Variants in CACNA1I observed in about 807,000 individuals in gnomAD.
The protein encoded by CACNA1I is voltage-dependent T-type calcium channel subunit alpha-1I.
In CACNA1I, 74 loss-of-function variants were observed where a neutral mutation model predicts 201.6. The ratio of observed to expected loss-of-function variants is 0.37; its 90% CI spans 0.30 to 0.45. The LOEUF is 0.45. Ranked by LOEUF, CACNA1I falls within the 20% of genes least tolerant of loss-of-function variation. CACNA1I has a pLI of 1.00. For missense variants in CACNA1I, 2,346 were observed against 3,138.1 expected, an observed-to-expected ratio of 0.75 and a Z score of 6.03; for synonymous variants, 1,431 against 1,345.2, an observed-to-expected ratio of 1.06 and a Z score of -1.40.
intron 1 of CACNA1I, among the ~76,000 whole-genome samples, chr22:39,590,669 GTGCAGATCC>G (rs1336399061): frequency 6.6e-6 from 1 of 152,230 alleles, no homozygotes; most frequent in Admixed American, 6.5e-5. Flanking sequence ...GTGAGAGGCA[GTGCAGATCC>G]TGCCCCTGCC....
At chr22:39,623,973 G>A (rs1005430887) in intron 4 of CACNA1I, among the ~76,000 whole-genome samples, 1 of 148,496 alleles carries the variant, frequency 6.7e-6, no homozygotes, top group Non-Finnish European at 1.5e-5. Context: ...GTGTGTATGT[G>A]TCAAGGGTGT....
At chr22:39,656,388 C>T (rs1349831104) in intron 10 of CACNA1I, 1 of 518,938 alleles carries the variant, frequency 1.9e-6, no homozygotes, top group East Asian at 5.4e-5. Flanking sequence ...CTGGCGCCAG[C>T]TCTCTCTTAG....
chr22:39,597,650 G>A (rs1043442842), intron 1 of CACNA1I, among the ~76,000 whole-genome samples: 2 of 152,248 alleles, frequency 1.3e-5, no homozygotes, highest in African/African-American at 2.4e-5. Context: ...CCTGGCAGTG[G>A]GCAAGGAGAG....
Position 39,673,070 on chromosome 22 carries a change from C to T in CACNA1I, c.4771C>T (p.Arg1591Cys), listed in dbSNP as rs1935417905. 1.2e-6 allele frequency: 2 copies of T among 1,612,902 alleles called. No individual in the cohort carries two copies. Among genetic ancestry groups the T allele is most frequent in the African/African-American group, 1.3e-5 (1 of 74,884 alleles). Residue 1591 changes from arginine to cysteine, a missense_variant, in exon 28 of 37, where the codon CGC (arginine) becomes TGC (cysteine). Physicochemically the swap from Arg to Cys is radical, Grantham distance 180. Around this residue, in one of 13 missense-constraint regions of CACNA1I, gnomAD observed 228 missense variants for 395.7 expected, o/e 0.58. Coordinates refer to ENST00000402142, the MANE Select transcript of CACNA1I (RefSeq NM_021096.4). ...CATCATCCGCATCATGAGGGTTCTG[C>T]GCATTGCCCGAGGTGAGGGGCAAGG... ...PTIIRIMRVLRIARVLKLLKM... is the reference protein window; with the variant it reads ...PTIIRIMRVLCIARVLKLLKM...
intron 3 of CACNA1I, among the ~76,000 whole-genome samples, chr22:39,615,866 G>A (rs75011298): frequency 0.011 from 1,658 of 152,260 alleles, 30 homozygotes; most frequent in African/African-American, 0.038. Flanking sequence ...TCCCTGGAAG[G>A]ATCTACAGTG....
intron 3 of CACNA1I, among the ~76,000 whole-genome samples, chr22:39,615,831 AGGAGAAACATTTAAGCAAAT>A (rs1270890755): frequency 2.0e-5 from 3 of 152,202 alleles, no homozygotes; most frequent in Non-Finnish European, 2.9e-5. Context: ...GTTAGGACCC[AGGAGAAACATTTAAGCAAAT>A]GGATTCCCTG....
chr22:39,620,815 T>G (rs1456647102), intron 4 of CACNA1I, among the ~76,000 whole-genome samples: 1 of 152,082 alleles, frequency 6.6e-6, no homozygotes, highest in East Asian at 1.9e-4. Flanking sequence ...AGTCCAGTGG[T>G]GTGAACTTGG....
intron 3 of CACNA1I, among the ~76,000 whole-genome samples, chr22:39,614,890 G>A (rs552798611): frequency 2.6e-5 from 4 of 152,346 alleles, no homozygotes; most frequent in East Asian, 3.9e-4. Flanking sequence ...TCTCTTTAAA[G>A]CAACATTACT....
intron 4 of CACNA1I, among the ~76,000 whole-genome samples, chr22:39,626,889 T>G (rs1381159811): frequency 1.3e-5 from 2 of 152,218 alleles, no homozygotes; most frequent in Non-Finnish European, 2.9e-5. Context: ...CTCATCACAG[T>G]GCTTTACATG....
chr22:39,616,717 T>A (rs897138356), intron 3 of CACNA1I, among the ~76,000 whole-genome samples: 1 of 143,582 alleles, frequency 7.0e-6, no homozygotes, highest in African/African-American at 2.7e-5. Context: ...TGAGCTAAGA[T>A]AGTGCCATTG....
At chr22:39,615,480 A>G (rs1441496156) in intron 3 of CACNA1I, among the ~76,000 whole-genome samples, 7 of 152,128 alleles carry the variant, frequency 4.6e-5, no homozygotes, top group Admixed American at 6.5e-5. Flanking sequence ...CCGGGCTAGG[A>G]CAGGGAGAGT....
intron 3 of CACNA1I, among the ~76,000 whole-genome samples, chr22:39,618,882 A>G (rs1460942139): frequency 1.3e-5 from 2 of 152,300 alleles, no homozygotes; most frequent in African/African-American, 2.4e-5. Flanking sequence ...ACTGCCTCCA[A>G]AGAGCTGCAG....
At chr22:39,671,002 G>A (rs1364071637) in intron 26 of CACNA1I, 48 bp downstream of exon 26, 4 of 1,588,658 alleles carry the variant, frequency 2.5e-6, no homozygotes, top group Non-Finnish European at 3.4e-6. Context: ...GTGAGGGTGG[G>A]GTCTCAGCAG....
chr22:39,614,268 C>A lies in CACNA1I; in HGVS notation c.483-5042C>A, dbSNP rs532534040. Among the ~76,000 whole-genome samples, 26 of 152,252 alleles carry A rather than the reference C, an allele frequency of 1.7e-4. 1 individual carries two copies. In the South Asian group the frequency reaches 5.2e-3, roughly 30 times the overall value. Reference sequence around the variant, plus strand: ...CGGCAGGTAGCGAGTGCTCAGATAACCTTTCTAAACCAACCGGGACCCTGA... The same window carrying A: ...CGGCAGGTAGCGAGTGCTCAGATAAACTTTCTAAACCAACCGGGACCCTGA... On this transcript the variant is annotated intron_variant, in intron 3 of 36. Transcript: ENST00000402142.
intron 11 of CACNA1I, 91 bp from the exon 12 acceptor site, chr22:39,658,840 C>T (rs1934905628): frequency 9.1e-7 from 1 of 1,094,812 alleles, no homozygotes; most frequent in Admixed American, 2.2e-5. Context: ...CTCTGTCTCT[C>T]TGTTTTCCCT....
Position 39,662,026 on chromosome 22 carries a change from G to A in CACNA1I, c.2963G>A (p.Arg988His), listed in dbSNP as rs1257900893. The change falls in exon 17 of 37, where the codon CGC becomes CAC. Residue 988 changes from arginine to histidine, a missense_variant. By Grantham distance (29) the Arg-to-His change is conservative (BLOSUM62 0). Around this residue, in one of 13 missense-constraint regions of CACNA1I, gnomAD observed 288 missense variants for 255.2 expected, o/e 1.13. Coordinates refer to ENST00000402142, the MANE Select transcript of CACNA1I (RefSeq NM_021096.4). The part of the protein sequence containing the change: ...WGRSAAWASR[R>H]SSWNSLKHKP... ...CGCAGCGCGGCCTGGGCCAGCCGTC[G>A]CTCCAGCTGGAACAGCCTCAAGCAC... 6.4e-7 allele frequency: 1 copy of A among 1,566,130 alleles called. No individual in the cohort carries two copies. The highest frequency in any genetic ancestry group is 8.6e-7 in the Non-Finnish European group (1 of 1,160,498).
rs470070 is a variant in CACNA1I, at chr22:39,628,652, G to A, written c.581-5913G>A. Among the ~76,000 whole-genome samples the A allele has an allele frequency of 7.2e-5, 11 of 152,136 alleles. No individual in the cohort carries two copies. In the South Asian group the frequency reaches 1.4e-3, roughly 20 times the overall value. On this transcript the variant is annotated intron_variant, in intron 4 of 36. Coordinates refer to ENST00000402142, the MANE Select transcript of CACNA1I (RefSeq NM_021096.4). Reference sequence around the variant, plus strand: ...GCCTTGGGCCGGCAGCTGTGACCCCGGCAAGCTGGCTGTCTGCTGCCTGGC... The same window carrying A: ...GCCTTGGGCCGGCAGCTGTGACCCCAGCAAGCTGGCTGTCTGCTGCCTGGC...
At chr22:39,597,562 C>T (rs1182157642) in intron 1 of CACNA1I, among the ~76,000 whole-genome samples, 1 of 152,254 alleles carries the variant, frequency 6.6e-6, no homozygotes, top group Non-Finnish European at 1.5e-5. Flanking sequence ...CCCAGCCCCA[C>T]CCCATGTGGT....
At position 39,663,832 on chromosome 22, in the gene CACNA1I, C is replaced by T. The variant is rs201244388; in HGVS notation, c.3588C>T (p.Ala1196=). 1.1e-5 allele frequency: 17 copies of T among 1,613,612 alleles called. No homozygotes were observed. Among genetic ancestry groups the T allele is most frequent in the East Asian group, 2.2e-5 (1 of 44,840 alleles). Residue 1196 remains alanine, a synonymous_variant, in exon 19 of 37, where the codon GCC becomes GCT. Transcript: ENST00000402142. ...CCCTGGAGCGGCCTCAGATCGAGGC[C>T]GGCAGCACCGTGAGTGGCTGTAGCC... is the stretch of plus-strand genomic sequence containing the variant. ...TIALERPQIE[A]GSTERIFLTV...
Sources: gnomAD v4.1 joint callset for allele counts (sites outside exome capture counted in the v4.1 genomes callset) on GRCh38, gnomAD v4.1.1 for gene constraint, gnomAD v4.1.1 regional missense constraint, MANE v1.5 for transcripts, NCBI Gene and HGNC (gene_info 2026-07-23, HGNC 2026-07-21) for gene names.